The following INPP5A variants were observed in gnomAD, a reference collection of about 807,000 sequenced individuals.
The protein encoded by INPP5A is 43 kDa inositol polyphosphate 5-phophatase.
Under a neutral mutation model 65.2 loss-of-function variants are expected in INPP5A, and 14 were observed. The observed-to-expected ratio is 0.21, with a 90% CI of 0.14 to 0.34. The LOEUF (loss-of-function observed/expected upper bound fraction) is 0.34, where lower values mean the gene tolerates loss of function less well. Among genes scored for constraint, INPP5A ranks in the 10% least tolerant of loss-of-function variants. The probability of loss-of-function intolerance (pLI) is 1.00; values close to 1 mark genes in which losing one functional copy is unlikely to be tolerated. For missense variants in INPP5A, 431 were observed against 545.6 expected (o/e 0.79, Z 2.09); for synonymous variants, 207 against 208.3 (o/e 0.99, Z 0.05).
Position 132,697,310 on chromosome 10 carries a change from G to A in INPP5A, c.371-506G>A, listed in dbSNP as rs1845360528. 6.6e-6 allele frequency among the ~76,000 whole-genome samples: 1 copy of A among 152,250 alleles called. No individual in the cohort carries two copies. Among genetic ancestry groups the A allele is most frequent in the African/African-American group, 2.4e-5 (1 of 41,472 alleles). On this transcript the variant is annotated intron_variant, in intron 5 of 15. Transcript: ENST00000368594. This position sits in a 1 kb window ranked among gnomAD's most constrained non-coding sequence, Gnocchi z 5.6. The stretch of plus-strand genomic sequence containing the variant: ...TCCCTGGGCCTGGCCTATCCACTGG[G>A]GGGTCCAGGAAAGGTGCCAAGCAGC...
At chr10:132,583,446 G>C (rs1441250623) in intron 1 of INPP5A, among the ~76,000 whole-genome samples, 1 of 152,162 alleles carries the variant, frequency 6.6e-6, no homozygotes, top group Admixed American at 6.5e-5. Flanking sequence ...GGGTGAGTCG[G>C]CGTGGGGAGC....
chr10:132,673,678 C>T (rs1244785210), intron 4 of INPP5A, among the ~76,000 whole-genome samples: 1 of 152,196 alleles, frequency 6.6e-6, no homozygotes, highest in African/African-American at 2.4e-5. Flanking sequence ...TGATGGTGGA[C>T]AAGGCATTCT....
intron 4 of INPP5A, among the ~76,000 whole-genome samples, chr10:132,653,091 G>A (rs955147175): frequency 2.6e-5 from 4 of 152,338 alleles, no homozygotes; most frequent in East Asian, 1.9e-4. Flanking sequence ...GAAGGCACCC[G>A]CGTGCTGGGC....
chr10:132,639,962 A>G (rs1440130777), intron 2 of INPP5A, among the ~76,000 whole-genome samples: 2 of 151,844 alleles, frequency 1.3e-5, no homozygotes, highest in Non-Finnish European at 2.9e-5. Context: ...CTGTCTTTTC[A>G]TTTATTTCAA....
chr10:132,563,300 G>C (rs1279351870), intron 1 of INPP5A, among the ~76,000 whole-genome samples: 1 of 152,192 alleles, frequency 6.6e-6, no homozygotes. Flanking sequence ...AATCTGTTAG[G>C]GAAGTGGGGT....
At chr10:132,709,224 A>G (rs988968346) in intron 7 of INPP5A, among the ~76,000 whole-genome samples, 3 of 137,786 alleles carry the variant, frequency 2.2e-5, no homozygotes, top group Non-Finnish European at 4.7e-5. Context: ...AGGGCAGGAC[A>G]TCCCCAGGAG....
At chr10:132,752,414 T>C (rs1846503378) in intron 11 of INPP5A, among the ~76,000 whole-genome samples, 1 of 68,756 alleles carries the variant, frequency 1.5e-5, no homozygotes, top group African/African-American at 6.1e-5. Context: ...TGGAGTGGGG[T>C]GCGGCATGGA....
At chr10:132,765,088 G>A (rs1045523874) in intron 11 of INPP5A, among the ~76,000 whole-genome samples, 7 of 150,474 alleles carry the variant, frequency 4.7e-5, no homozygotes, top group South Asian at 2.1e-4. Flanking sequence ...GTCCTGCTGC[G>A]GTGGGAGGGT....
At chr10:132,733,149 A>G (rs905203726) in intron 9 of INPP5A, among the ~76,000 whole-genome samples, 1 of 152,156 alleles carries the variant, frequency 6.6e-6, no homozygotes, top group Non-Finnish European at 1.5e-5. Flanking sequence ...CTTTTCTTGC[A>G]AGGACATGAG....
intron 5 of INPP5A, among the ~76,000 whole-genome samples, chr10:132,691,551 C>T (rs572571799): frequency 1.3e-4 from 20 of 152,380 alleles, no homozygotes; most frequent in African/African-American, 4.8e-4. Context: ...TTGTGTTTTT[C>T]AGTAGCCATT....
chr10:132,738,716 G>A (rs1347847119), intron 9 of INPP5A, among the ~76,000 whole-genome samples: 3 of 152,232 alleles, frequency 2.0e-5, no homozygotes, highest in African/African-American at 7.2e-5. Flanking sequence ...CCTTGGGAGA[G>A]GACATGAAAG....
At chr10:132,597,007 G>A (rs377118542) in intron 1 of INPP5A, among the ~76,000 whole-genome samples, 13 of 151,204 alleles carry the variant, frequency 8.6e-5, no homozygotes, top group Non-Finnish European at 8.8e-5. Flanking sequence ...TTGTGTGCAC[G>A]CTCCTGTACG....
intron 1 of INPP5A, among the ~76,000 whole-genome samples, chr10:132,564,788 T>C (rs547209107): frequency 2.6e-5 from 4 of 152,290 alleles, no homozygotes; most frequent in African/African-American, 7.2e-5. Context: ...TGGGCTCTTC[T>C]ATGAGGTCTG....
intron 2 of INPP5A, among the ~76,000 whole-genome samples, chr10:132,608,351 A>T (rs1211184333): frequency 6.6e-6 from 1 of 152,170 alleles, no homozygotes; most frequent in Non-Finnish European, 1.5e-5. Context: ...CTCTGTGCAG[A>T]GAGTGGGTGC....
rs1396091200 is a variant in INPP5A, at chr10:132,555,725, G to A, written c.75+17554G>A. Among the ~76,000 whole-genome samples the A allele has an allele frequency of 6.6e-6, 1 of 152,184 alleles. No homozygotes were observed. Among genetic ancestry groups the A allele is most frequent in the East Asian group, 1.9e-4 (1 of 5,198 alleles). On this transcript the variant is annotated intron_variant, in intron 1 of 15. Coordinates refer to ENST00000368594, the MANE Select transcript of INPP5A (RefSeq NM_005539.5). The surrounding 1 kb of genome is among the most constrained non-coding windows in gnomAD (Gnocchi z 4.4). ...ACAATTTTAGTTTAGTTTTCGTGCA[G>A]AGTGACCCAGACAGGCACAACACTG...
chr10:132,767,983 T>C (rs1172069949), intron 12 of INPP5A, among the ~76,000 whole-genome samples: 148 of 86,584 alleles, frequency 1.7e-3, no homozygotes, highest in African/African-American at 2.2e-3. Flanking sequence ...TGACCCTCAG[T>C]GTTCCCAGGG....
chr10:132,634,283 G>T (rs141732788), intron 2 of INPP5A, among the ~76,000 whole-genome samples: 1 of 149,830 alleles, frequency 6.7e-6, no homozygotes, highest in East Asian at 2.0e-4. Context: ...CCCCGGAGAG[G>T]CGTATCATCT....
chr10:132,614,632 G>T (rs1220032227), intron 2 of INPP5A, among the ~76,000 whole-genome samples: 1 of 152,214 alleles, frequency 6.6e-6, no homozygotes, highest in Non-Finnish European at 1.5e-5. Flanking sequence ...GAGGGGCTCA[G>T]GCCCCAAACA....
intron 12 of INPP5A, among the ~76,000 whole-genome samples, chr10:132,776,313 G>A (rs1003004544): frequency 7.2e-5 from 11 of 152,088 alleles, no homozygotes; most frequent in South Asian, 2.1e-4. Flanking sequence ...CCGCTGGAGC[G>A]CGCGGAGGAT....
Sources: gnomAD v4.1 joint callset for allele counts (sites outside exome capture counted in the v4.1 genomes callset) on GRCh38, gnomAD v4.1.1 for gene constraint, Gnocchi (gnomAD v3.1) non-coding constraint, MANE v1.5 for transcripts, NCBI Gene and HGNC (gene_info 2026-07-23, HGNC 2026-07-21) for gene names.